Variants in TRAF5 observed in about 807,000 individuals in gnomAD.
TRAF5 encodes the protein TNF receptor associated factor 5.
A neutral mutation model predicts 64.5 loss-of-function variants in TRAF5; 48 were observed. The ratio of observed to expected loss-of-function variants is 0.74; its 90% CI spans 0.59 to 0.95. The LOEUF (loss-of-function observed/expected upper bound fraction) is 0.95, where lower values mean the gene tolerates loss of function less well. Ranked by LOEUF, TRAF5 falls within the 40% of genes least tolerant of loss-of-function variation. TRAF5 has a pLI of 0.00. For missense variants in TRAF5, 545 were observed against 662.8 expected (o/e 0.82, Z 1.95); for synonymous variants, 206 against 240.5 (o/e 0.86, Z 1.33).
chr1:211,368,175 T>C (rs563929695), intron 8 of TRAF5, among the ~76,000 whole-genome samples: 80 of 152,078 alleles, frequency 5.3e-4, no homozygotes, highest in African/African-American at 1.9e-3. Flanking sequence ...AGGATGCATG[T>C]GGAATGTGAA....
chr1:211,353,408 C>A lies in TRAF5; in HGVS notation c.169C>A (p.Gln57Lys), dbSNP rs1487537425. ...FCHSVLHNPH[Q>K]TGCGHRFCQH... Reference sequence around the variant, plus strand: ...CCACTCGGTGCTTCACAACCCCCACCAGACAGGATGTGGGCACCGCTTCTG... The same window carrying A: ...CCACTCGGTGCTTCACAACCCCCACAAGACAGGATGTGGGCACCGCTTCTG... The change falls in exon 2 of 11, where the codon CAG becomes AAG. Residue 57 changes from glutamine (Q) to lysine (K), a missense_variant. Coordinates refer to ENST00000261464, the MANE Select transcript of TRAF5 (RefSeq NM_001033910.3). 3 of 1,614,056 alleles carry A rather than the reference C, an allele frequency of 1.9e-6. No homozygotes were observed. The South Asian group carries it at 3.3e-5, about 18-fold the overall frequency.
chr1:211,366,935 G>T (rs1703372091), intron 8 of TRAF5, among the ~76,000 whole-genome samples: 1 of 151,808 alleles, frequency 6.6e-6, no homozygotes, highest in East Asian at 1.9e-4. Context: ...GCTAATGGAG[G>T]TTTCTTAATT....
At chr1:211,333,453 A>C (rs11577764) in intron 1 of TRAF5, among the ~76,000 whole-genome samples, 139,745 of 152,004 alleles carry the variant, frequency 0.92, 64,484 homozygotes, top group Middle Eastern at 0.98. Context: ...ACTCCCCACT[A>C]GGCCTCCCAA....
At chr1:211,357,437 C>T (rs1031752948) in intron 4 of TRAF5, 3 of 152,176 alleles carry the variant, frequency 2.0e-5, no homozygotes, top group African/African-American at 7.2e-5. Context: ...AGAGCAAGGC[C>T]TTTTTTCCAA....
chr1:211,339,332 C>T (rs945616747), intron 1 of TRAF5, among the ~76,000 whole-genome samples: 1 of 152,182 alleles, frequency 6.6e-6, no homozygotes. Flanking sequence ...AACTGTGGAT[C>T]TCCTAGGACT....
chr1:211,327,401 G>A (rs1702048461), intron 1 of TRAF5, among the ~76,000 whole-genome samples: 1 of 152,218 alleles, frequency 6.6e-6, no homozygotes, highest in South Asian at 2.1e-4. Flanking sequence ...AGGATTGCAA[G>A]GAATGGAAGC....
At chr1:211,342,862 A>C (rs1702485206) in intron 1 of TRAF5, among the ~76,000 whole-genome samples, 1 of 152,212 alleles carries the variant, frequency 6.6e-6, no homozygotes, top group Non-Finnish European at 1.5e-5. Flanking sequence ...AATATTGTGT[A>C]TAGGTACCAC....
At position 211,372,362 on chromosome 1, in the gene TRAF5, G is replaced by C. The variant is rs1558150900; in HGVS notation, c.1334G>C (p.Arg445Thr). Residue 445 changes from arginine (R) to threonine (T), a missense_variant, in exon 11 of 11, where the codon AGA (arginine) becomes ACA (threonine). Arg to Thr is a moderately conservative substitution (Grantham distance 71). Coordinates refer to ENST00000261464, the MANE Select transcript of TRAF5 (RefSeq NM_001033910.3). ...TSRCGYRLCARAYLNGDGSGR... is the reference protein window; with the variant it reads ...TSRCGYRLCATAYLNGDGSGR... ...CGCTGTGGCTACCGGCTCTGTGCTA[G>C]AGCATACCTGAATGGGGATGGGTCA... 6.2e-7 allele frequency: 1 copy of C among 1,614,152 alleles called. No homozygotes were observed. The highest frequency in any genetic ancestry group is 1.1e-5 in the South Asian group (1 of 91,078).
chr1:211,338,462 G>T (rs1702363840), intron 1 of TRAF5, among the ~76,000 whole-genome samples: 1 of 152,210 alleles, frequency 6.6e-6, no homozygotes, highest in Non-Finnish European at 1.5e-5. Context: ...ATACAATAGG[G>T]CGCAGACTTT....
chr1:211,327,535 G>A (rs1332856516), intron 1 of TRAF5, among the ~76,000 whole-genome samples: 1 of 152,106 alleles, frequency 6.6e-6, no homozygotes, highest in Non-Finnish European at 1.5e-5. Flanking sequence ...GTTGCCCAGA[G>A]GCACCCAGAG....
Position 211,372,981 on chromosome 1 carries a change from T to C in TRAF5, c.*279T>C, listed in dbSNP as rs1305837814. 3.6e-6 allele frequency: 1 copy of C among 279,530 alleles called. No individual in the cohort carries two copies. Among genetic ancestry groups the C allele is most frequent in the Admixed American group, 4.8e-5 (1 of 20,776 alleles). 17.3% of individuals were successfully genotyped at this position (279,530 alleles called of 1,614,324 possible). A position where few individuals can be genotyped will look rare whatever the true frequency, so the allele number is the denominator to read the frequency against. ...CTTGAAGTTTTTGGGGCGTTTCTCTTTTACTGGTGCTTAGCGCAGTGTCTC... is the reference window on the plus strand; with the variant it reads ...CTTGAAGTTTTTGGGGCGTTTCTCTCTTACTGGTGCTTAGCGCAGTGTCTC... On this transcript the variant is annotated 3_prime_UTR_variant, in exon 11 of 11. Transcript: ENST00000261464.
In TRAF5 at chr1:211,360,758, G is replaced by A. The variant is rs754712382; in HGVS notation, c.600G>A (p.Ala200=). The change falls in exon 6 of 11, where the codon GCG becomes GCA. Residue 200 remains alanine (A), a synonymous_variant. Transcript: ENST00000261464. ...CAGTATTTTGTCCCAACAATTGTGC[G>A]AAGATTATTCTAAAAACTGAGGTAA... The part of the protein sequence containing the change: ...EYPVFCPNNC[A]KIILKTEVDE... 8 of 1,613,658 alleles carry A rather than the reference G, an allele frequency of 5.0e-6. No individual in the cohort carries two copies. The highest frequency in any genetic ancestry group is 2.7e-5 in the African/African-American group (2 of 74,902).
intron 1 of TRAF5, among the ~76,000 whole-genome samples, chr1:211,343,103 C>T (rs1003340553): frequency 2.0e-5 from 3 of 152,174 alleles, no homozygotes; most frequent in Non-Finnish European, 2.9e-5. Flanking sequence ...TACATTCCTA[C>T]CAACAGTGTA....
chr1:211,338,451 A>G (rs937063288), intron 1 of TRAF5, among the ~76,000 whole-genome samples: 6 of 152,164 alleles, frequency 3.9e-5, no homozygotes, highest in African/African-American at 7.2e-5. Flanking sequence ...CCACTCCCAT[A>G]ATACAATAGG....
rs1009512475 is a variant in TRAF5 at position 211,371,587 on chromosome 1, A to G, written c.1099+117A>G. The stretch of plus-strand genomic sequence containing the variant: ...TCTGTCCAGGATAAACAATGGCTGA[A>G]TCTGCTATTTGTGAAAGAGAATGGT... On this transcript the variant is annotated intron_variant, in intron 10 of 10. Transcript: ENST00000261464. 8 of 1,063,068 alleles carry G rather than the reference A, an allele frequency of 7.5e-6. 1 individual carries two copies. The South Asian group carries it at 9.5e-5, about 13-fold the overall frequency. The allele number at this position is 1,063,068 out of a possible 1,614,324, so 65.9% of individuals were successfully genotyped here.
At chr1:211,342,810 A>G (rs1702484242) in intron 1 of TRAF5, among the ~76,000 whole-genome samples, 1 of 152,184 alleles carries the variant, frequency 6.6e-6, no homozygotes, top group Non-Finnish European at 1.5e-5. Context: ...AGTTCCATCT[A>G]TGTTGTTGCA....
intron 1 of TRAF5, among the ~76,000 whole-genome samples, chr1:211,336,559 T>C (rs1323669682): frequency 6.6e-5 from 10 of 152,254 alleles, no homozygotes; most frequent in Non-Finnish European, 1.3e-4. Flanking sequence ...GAAGCGTGCT[T>C]AGCAGGAGAG....
Position 211,365,469 on chromosome 1 carries a change from G to A in TRAF5, c.789+1G>A, listed in dbSNP as rs1703321577. 3 of 1,610,712 alleles carry A rather than the reference G, an allele frequency of 1.9e-6. No individual in the cohort carries two copies. The highest frequency in any genetic ancestry group is 2.5e-6 in the Non-Finnish European group (3 of 1,177,654). ...AAAGAATGTCCAATTAGAAGAACAGGTAAATCTTCAAAGGTTCAAATAAAA... is the reference window on the plus strand; with the variant it reads ...AAAGAATGTCCAATTAGAAGAACAGATAAATCTTCAAAGGTTCAAATAAAA... On this transcript the variant is annotated splice_donor_variant, in intron 8 of 10. Transcript: ENST00000261464. LOFTEE classifies it high-confidence loss of function.
intron 8 of TRAF5, among the ~76,000 whole-genome samples, chr1:211,366,519 T>C (rs941661194): frequency 6.6e-6 from 1 of 152,216 alleles, no homozygotes; most frequent in Non-Finnish European, 1.5e-5. Flanking sequence ...TAGGACATGC[T>C]GTAACTCAGT....
Sources: allele counts gnomAD v4.1 joint callset (sites outside exome capture counted in the v4.1 genomes callset), GRCh38; gene constraint gnomAD v4.1.1; transcripts MANE v1.5; gene names NCBI Gene and HGNC (gene_info 2026-07-23, HGNC 2026-07-21).